The following RIC8A variants were observed in gnomAD, a reference collection of about 807,000 sequenced individuals.
RIC8A encodes RIC8 guanine nucleotide exchange factor A, also known as chaperone Ric-8A.
Under a neutral mutation model 48.4 loss-of-function variants are expected in RIC8A, and 37 were observed. The observed-to-expected ratio is 0.77, with a 90% confidence interval of 0.59 to 1.01. RIC8A has a LOEUF of 1.01. RIC8A is among the 50% of genes least tolerant of loss of function. RIC8A has a pLI of 0.00. For missense variants in RIC8A, 681 were observed against 696.8 expected, an observed-to-expected ratio of 0.98 and a Z score of 0.25; for synonymous variants, 288 against 283.4, an observed-to-expected ratio of 1.02 and a Z score of -0.16.
At chr11:213,942 T>C (rs1203362713) in intron 9 of RIC8A, among the ~76,000 whole-genome samples, 2 of 150,802 alleles carry the variant, frequency 1.3e-5, no homozygotes, top group African/African-American at 4.9e-5. Flanking sequence ...TGAGACTTCG[T>C]CTCAAAAAAA....
intron 3 of RIC8A, chr11:210,344 T>C (rs1855322298): frequency 2.9e-6 from 2 of 699,694 alleles, no homozygotes; most frequent in East Asian, 2.7e-5. Flanking sequence ...ATCAGGGAAG[T>C]GCTCTTAGAA....
At position 209,900 on chromosome 11, in the gene RIC8A, C is replaced by T. The variant is rs1442421715; in HGVS notation, c.626C>T (p.Pro209Leu). The T allele has an allele frequency of 1.2e-6, 2 of 1,608,990 alleles. No individual in the cohort carries two copies. The highest frequency in any genetic ancestry group is 1.7e-4 in the Middle Eastern group (1 of 6,040). ...TLGVTPEGNPPPTLLPSQETE... is the reference protein window; with the variant it reads ...TLGVTPEGNPLPTLLPSQETE... ...GGGGTGACTCCTGAAGGGAACCCCCCACCCACGCTCCTTCCTTCCCAAGAG... is the reference window on the plus strand; with the variant it reads ...GGGGTGACTCCTGAAGGGAACCCCCTACCCACGCTCCTTCCTTCCCAAGAG... Residue 209 changes from proline to leucine, a missense_variant, in exon 3 of 10, where the codon CCA becomes CTA. Pro to Leu is a moderately conservative substitution (Grantham distance 98). Coordinates refer to ENST00000526104, the MANE Select transcript of RIC8A (RefSeq NM_001286134.2).
chr11:211,405 G>A lies in RIC8A; in HGVS notation c.969+56G>A. 6.4e-7 allele frequency: 1 copy of A among 1,568,978 alleles called. No homozygotes were observed. Among genetic ancestry groups the A allele is most frequent in the Non-Finnish European group, 8.7e-7 (1 of 1,152,476 alleles). Reference sequence around the variant, plus strand: ...CAGTGGCTCTGGCACTGGTTCTCCTGCACAGATGTGGTCAGTGCTTCCACA... The same window carrying A: ...CAGTGGCTCTGGCACTGGTTCTCCTACACAGATGTGGTCAGTGCTTCCACA... On this transcript the variant is annotated intron_variant, in intron 5 of 9. Coordinates refer to ENST00000526104, the MANE Select transcript of RIC8A (RefSeq NM_001286134.2). The surrounding 1 kb of genome is among the most constrained non-coding windows in gnomAD (Gnocchi z 4.0).
chr11:213,455 G>A (rs373450812), intron 9 of RIC8A, 37 bp downstream of exon 9: 8 of 1,554,256 alleles, frequency 5.1e-6, no homozygotes, highest in Non-Finnish European at 7.0e-6. Flanking sequence ...GCAGCTGGGA[G>A]AAGGGAGAGC....
intron 9 of RIC8A, among the ~76,000 whole-genome samples, chr11:214,001 A>G (rs1372611762): frequency 6.6e-6 from 1 of 152,178 alleles, no homozygotes; most frequent in East Asian, 1.9e-4. Flanking sequence ...CCAGTGTCCA[A>G]ATTAAGAGCC....
In RIC8A at chr11:214,978, CTCCT is replaced by C. The variant is rs1461134938; in HGVS notation, c.*633_*636del. 1 of 170,524 alleles carries C rather than the reference CTCCT, an allele frequency of 5.9e-6. No individual in the cohort carries two copies. Among genetic ancestry groups the C allele is most frequent in the Non-Finnish European group, 1.3e-5 (1 of 77,570 alleles). 10.6% of individuals were successfully genotyped at this position (170,524 alleles called of 1,614,324 possible). On this transcript the variant is annotated 3_prime_UTR_variant, in exon 10 of 10. Transcript: ENST00000526104. ...TTCTCGCTGGTTTTGGCAATTAAAC[CTCCT>C]TCCTACTGGTTTAGACTACACTTAC...
Position 209,499 on chromosome 11 carries a change from G to A in RIC8A, c.225G>A (p.Arg75=), listed in dbSNP as rs756907159. The A allele has an allele frequency of 1.7e-5, 28 of 1,612,864 alleles. No individual in the cohort carries two copies. The African/African-American group carries it at 3.2e-4, about 18-fold the overall frequency. The change falls in exon 3 of 10, where the codon CGG becomes CGA. Residue 75 remains arginine, a synonymous_variant. Transcript: ENST00000526104. ...TGCAGAGTGTCCGAATCCTGTCCCG[G>A]GACCGCAACTGCCTGGACCCGTTCA... ...IWLQSVRILS[R]DRNCLDPFTS... is the part of the protein sequence containing the mutation.
chr11:213,325 A>T lies in RIC8A; in HGVS notation c.1382A>T (p.Glu461Val). ...ASINPVTGRV[E>V]EKPPNPMEGM... ...ATAAACCCTGTGACCGGGAGGGTGGAGGAGAAGCCGCCTAACCCTATGGAG... is the reference window on the plus strand; with the variant it reads ...ATAAACCCTGTGACCGGGAGGGTGGTGGAGAAGCCGCCTAACCCTATGGAG... Residue 461 changes from glutamate (E) to valine (V), a missense_variant, in exon 9 of 10, where the codon GAG (glutamate) becomes GTG (valine). Glu to Val is a moderately radical substitution (Grantham distance 121). Transcript: ENST00000526104. 2 of 1,613,920 alleles carry T rather than the reference A, an allele frequency of 1.2e-6. No homozygotes were observed. Among genetic ancestry groups the T allele is most frequent in the Non-Finnish European group, 1.7e-6 (2 of 1,179,930 alleles).
At position 208,992 on chromosome 11, in the gene RIC8A, G is replaced by A; in HGVS notation, c.84+54G>A. On this transcript the variant is annotated intron_variant, in intron 1 of 9. Transcript: ENST00000526104. This position sits in a 1 kb window ranked among gnomAD's most constrained non-coding sequence, Gnocchi z 4.8. ...GGCACGGAGGGGGTGGGGCAGGGTC[G>A]TGCGCGGGTAGCAGGGAGGGCGTGG... 7.3e-7 allele frequency: 1 copy of A among 1,374,956 alleles called. No individual in the cohort carries two copies. The highest frequency in any genetic ancestry group is 1.0e-6 in the Non-Finnish European group (1 of 985,754). 85.2% of individuals were successfully genotyped at this position (1,374,956 alleles called of 1,614,324 possible). A position where few individuals can be genotyped will look rare whatever the true frequency, so the allele number is the denominator to read the frequency against.
Position 212,407 on chromosome 11 carries a change from C to T in RIC8A, c.970-9C>T. On this transcript the variant is annotated splice_polypyrimidine_tract_variant and intron_variant, in intron 5 of 9. Coordinates refer to ENST00000526104, the MANE Select transcript of RIC8A (RefSeq NM_001286134.2). ...GGGCATAGCCCCAGTGACAGAGAAT[C>T]CTCTACAGACACACAGGCTGAAGGA... 2 of 1,613,110 alleles carry T rather than the reference C, an allele frequency of 1.2e-6. No homozygotes were observed. The highest frequency in any genetic ancestry group is 1.7e-6 in the Non-Finnish European group (2 of 1,179,588).
At position 209,991 on chromosome 11, in the gene RIC8A, G is replaced by A. The variant is rs138629033; in HGVS notation, c.717G>A (p.Glu239=). 2,097 of 1,584,766 alleles carry A rather than the reference G, an allele frequency of 1.3e-3. 4 individuals are homozygous for A. Among genetic ancestry groups the A allele is most frequent in the Admixed American group, 1.8e-3 (108 of 59,470 alleles). The change falls in exon 3 of 10, where the codon GAG becomes GAA. Residue 239 remains glutamate (E), a synonymous_variant. Coordinates refer to ENST00000526104, the MANE Select transcript of RIC8A (RefSeq NM_001286134.2). ...TCACCCTGGACTCCATCAAGGGGGA[G>A]GTGGACGAGGTGAGCACTGACCTTA... The part of the protein sequence containing the change: ...FNITLDSIKG[E]VDEEDAALYR...
chr11:212,453 G>A lies in RIC8A; in HGVS notation c.1007G>A (p.Ser336Asn), dbSNP rs1334411147. The A allele has an allele frequency of 3.1e-6, 5 of 1,613,900 alleles. No individual in the cohort carries two copies. In the African/African-American group the frequency reaches 4.0e-5, roughly 13 times the overall value. The change falls in exon 6 of 10, where the codon AGC becomes AAC. Residue 336 changes from serine to asparagine, a missense_variant. By Grantham distance (46) the Ser-to-Asn change is conservative. Coordinates refer to ENST00000526104, the MANE Select transcript of RIC8A (RefSeq NM_001286134.2). ...RLKESVAPVL[S>N]VLTECARMHR... ...AAGGAGAGTGTAGCTCCCGTGCTGA[G>A]CGTGCTGACTGAATGTGCCCGGATG...
chr11:209,067 G>A, intron 1 of RIC8A, 129 bp downstream of exon 1: 2 of 1,055,076 alleles, frequency 1.9e-6, no homozygotes, highest in Non-Finnish European at 2.9e-6. Flanking sequence ...CGGGGTGCGG[G>A]GGGCAGGTCT....
At chr11:210,734 G>A in intron 4 of RIC8A, 72 bp downstream of exon 4, 1 of 1,403,600 alleles carries the variant, frequency 7.1e-7, no homozygotes, top group Non-Finnish European at 1.0e-6. Context: ...CCCCGGCTCT[G>A]AACCAGAACC....
Position 207,712 on chromosome 11 carries a change from A to C in RIC8A, c.-1143A>C. ...GCGGGGCGGGGCCGTTTGCTTGCTCAGTGCCTAGACGATGGTGGTGGAAAG... is the reference window on the plus strand; with the variant it reads ...GCGGGGCGGGGCCGTTTGCTTGCTCCGTGCCTAGACGATGGTGGTGGAAAG... On this transcript the variant is annotated 5_prime_UTR_variant, in exon 1 of 10. Coordinates refer to ENST00000526104, the MANE Select transcript of RIC8A (RefSeq NM_001286134.2). 4.4e-6 allele frequency: 1 copy of C among 228,614 alleles called. No homozygotes were observed. The highest frequency in any genetic ancestry group is 8.8e-6 in the Non-Finnish European group (1 of 113,150). The allele number at this position is 228,614 out of a possible 1,614,324, so 14.2% of individuals were successfully genotyped here.
rs72878032 is a variant in RIC8A at position 212,408 on chromosome 11, C to T, written c.970-8C>T. 0.2 allele frequency: 319,938 copies of T among 1,612,374 alleles called. 34,886 individuals are homozygous for T. Among genetic ancestry groups the T allele is most frequent in the Non-Finnish European group, 0.22 (261,884 of 1,179,190 alleles). ...GGCATAGCCCCAGTGACAGAGAATCCTCTACAGACACACAGGCTGAAGGAG... is the reference window on the plus strand; with the variant it reads ...GGCATAGCCCCAGTGACAGAGAATCTTCTACAGACACACAGGCTGAAGGAG... On this transcript the variant is annotated splice_region_variant and splice_polypyrimidine_tract_variant and intron_variant, in intron 5 of 9. Transcript: ENST00000526104.
intron 1 of RIC8A, 117 bp downstream of exon 1, chr11:209,055 G>C: frequency 3.7e-6 from 4 of 1,087,258 alleles, no homozygotes; most frequent in Non-Finnish European, 5.5e-6. Flanking sequence ...TAGGGGACGC[G>C]GCGGGGTGCG....
chr11:213,482 T>A, intron 9 of RIC8A, 64 bp downstream of exon 9: 1 of 1,545,286 alleles, frequency 6.5e-7, no homozygotes. Context: ...ACATCCTGTC[T>A]TGTGAGCCCC....
At chr11:209,047 G>C (rs1428763680) in intron 1 of RIC8A, 109 bp downstream of exon 1, 2 of 1,139,960 alleles carry the variant, frequency 1.8e-6, no homozygotes, top group Non-Finnish European at 2.6e-6. Flanking sequence ...AGCAAGCGTA[G>C]GGGACGCGGC....
Sources: gnomAD v4.1 joint callset for allele counts (sites outside exome capture counted in the v4.1 genomes callset) on GRCh38, gnomAD v4.1.1 for gene constraint, Gnocchi (gnomAD v3.1) non-coding constraint, MANE v1.5 for transcripts, NCBI Gene and HGNC (gene_info 2026-07-23, HGNC 2026-07-21) for gene names.